Variants in ENOX1 observed in about 807,000 individuals in gnomAD.
ENOX1 encodes ecto-NOX disulfide-thiol exchanger 1, also known as candidate growth-related and time keeping constitutive hydroquinone (NADH) oxidase.
A neutral mutation model predicts 82.5 loss-of-function variants in ENOX1; 42 were observed. The ratio of observed to expected loss-of-function variants is 0.51; its 90% confidence interval spans 0.40 to 0.66. The LOEUF (loss-of-function observed/expected upper bound fraction) is 0.66, where lower values mean the gene tolerates loss of function less well. Among genes scored for constraint, ENOX1 ranks in the 30% least tolerant of loss-of-function variants. The pLI is 0.00. For missense variants in ENOX1, 608 were observed against 811.6 expected, an observed-to-expected ratio of 0.75 and a Z score of 3.05; for synonymous variants, 271 against 282.2, an observed-to-expected ratio of 0.96 and a Z score of 0.40.
intron 2 of ENOX1, among the ~76,000 whole-genome samples, chr13:43,557,700 A>G (rs182407170): frequency 1.0e-3 from 154 of 152,284 alleles, no homozygotes; most frequent in Non-Finnish European, 1.3e-4. Context: ...CAGGAGGCTG[A>G]GGCAGGAGGA....
chr13:43,299,444 C>T lies in ENOX1; in HGVS notation c.1262-914G>A, dbSNP rs540822199. ...CAAGAGCTTTGTATGAACTCACTCACTTCATACCCCCACCAAGCCTGTGAT... is the reference window on the plus strand; with the variant it reads ...CAAGAGCTTTGTATGAACTCACTCATTTCATACCCCCACCAAGCCTGTGAT... On this transcript the variant is annotated intron_variant, in intron 11 of 16. Coordinates refer to ENST00000690772, the MANE Select transcript of ENOX1 (RefSeq NM_001347969.2). 7.9e-4 allele frequency among the ~76,000 whole-genome samples: 121 copies of T among 152,260 alleles called. No homozygotes were observed. The Middle Eastern group carries it at 0.014, about 17-fold the overall frequency.
intron 2 of ENOX1, among the ~76,000 whole-genome samples, chr13:43,559,842 T>C (rs908051575): frequency 6.6e-6 from 1 of 152,192 alleles, no homozygotes; most frequent in East Asian, 1.9e-4. Context: ...AAGTAACTTT[T>C]GGAAAAGACT....
At chr13:43,414,734 T>C (rs2054341297) in intron 3 of ENOX1, among the ~76,000 whole-genome samples, 1 of 152,206 alleles carries the variant, frequency 6.6e-6, no homozygotes, top group Non-Finnish European at 1.5e-5. Flanking sequence ...TTTGTCTTAC[T>C]TATCTCCCCA....
chr13:43,514,320 A>T (rs2077479330), intron 2 of ENOX1, among the ~76,000 whole-genome samples: 1 of 152,300 alleles, frequency 6.6e-6, no homozygotes, highest in Non-Finnish European at 1.5e-5. Flanking sequence ...ACCAGAAGCA[A>T]TTATATTTCA....
chr13:43,697,317 A>T (rs568729237), intron 1 of ENOX1, among the ~76,000 whole-genome samples: 1 of 152,310 alleles, frequency 6.6e-6, no homozygotes, highest in South Asian at 2.1e-4. Flanking sequence ...ACACAGGGAG[A>T]AGAAAAGTGG....
At chr13:43,583,823 CTT>C (rs74782852) in intron 2 of ENOX1, among the ~76,000 whole-genome samples, 263 of 144,038 alleles carry the variant, frequency 1.8e-3, no homozygotes, top group Non-Finnish European at 1.5e-3. Context: ...ATAAACTTTT[CTT>C]TTTTTTTTTT....
chr13:43,247,829 A>T (rs889308044), intron 14 of ENOX1, among the ~76,000 whole-genome samples: 55 of 2,796 alleles, frequency 0.02, 1 homozygote, highest in African/African-American at 0.079. Flanking sequence ...CAGATGCAAC[A>T]TATATATATA....
chr13:43,736,825 A>C lies in ENOX1; in HGVS notation c.-285+49827T>G, dbSNP rs1019451899. On this transcript the variant is annotated intron_variant, in intron 1 of 16. Transcript: ENST00000690772. ...AGTTCTTACTGAAGAAAAGGGAGGC[A>C]GAAAACACATTTAGGTTCAAGGTGG... Among the ~76,000 whole-genome samples the C allele has an allele frequency of 2.0e-5, 3 of 152,224 alleles. No individual in the cohort carries two copies. The East Asian group carries it at 5.8e-4, about 29-fold the overall frequency.
chr13:43,543,259 T>C lies in ENOX1; in HGVS notation c.-218-59107A>G, dbSNP rs116102113. On this transcript the variant is annotated intron_variant, in intron 2 of 16. Coordinates refer to ENST00000690772, the MANE Select transcript of ENOX1 (RefSeq NM_001347969.2). Reference sequence around the variant, plus strand: ...AGGAATAAAGAGAGGAGGGGAAAAATTGGGGGATCAGATAGAGCCCTGTTT... The same window carrying C: ...AGGAATAAAGAGAGGAGGGGAAAAACTGGGGGATCAGATAGAGCCCTGTTT... Among the ~76,000 whole-genome samples the C allele has an allele frequency of 8.3e-3, 1,259 of 152,040 alleles. 19 individuals are homozygous for C. The highest frequency in any genetic ancestry group is 0.028 in the African/African-American group (1,181 of 41,476).
At chr13:43,674,865 A>C (rs769508952) in intron 1 of ENOX1, among the ~76,000 whole-genome samples, 6 of 152,192 alleles carry the variant, frequency 3.9e-5, no homozygotes, top group Non-Finnish European at 8.8e-5. Flanking sequence ...ATCTCTGTAC[A>C]TTCCACTGAA....
intron 3 of ENOX1, among the ~76,000 whole-genome samples, chr13:43,451,963 C>A (rs187460577): frequency 1.3e-5 from 2 of 152,212 alleles, no homozygotes; most frequent in Non-Finnish European, 2.9e-5. Context: ...GCAGACAAAA[C>A]GTTTTCAAGT....
At chr13:43,498,218 T>C (rs948254236) in intron 2 of ENOX1, among the ~76,000 whole-genome samples, 2 of 152,252 alleles carry the variant, frequency 1.3e-5, no homozygotes, top group Non-Finnish European at 1.5e-5. Context: ...GATTATAGTG[T>C]CCTCAGAGGC....
intron 9 of ENOX1, among the ~76,000 whole-genome samples, chr13:43,344,045 T>C (rs2049225639): frequency 6.6e-6 from 1 of 152,188 alleles, no homozygotes; most frequent in Non-Finnish European, 1.5e-5. Flanking sequence ...TCTCTACTCT[T>C]GAGTTGCCCA....
chr13:43,256,153 C>T (rs993601302), intron 14 of ENOX1, among the ~76,000 whole-genome samples: 1 of 152,046 alleles, frequency 6.6e-6, no homozygotes, highest in Non-Finnish European at 1.5e-5. Context: ...AAAATCAAGT[C>T]AAAATGGATT....
chr13:43,650,605 A>G (rs2084116693), intron 2 of ENOX1, among the ~76,000 whole-genome samples: 1 of 152,136 alleles, frequency 6.6e-6, no homozygotes, highest in African/African-American at 2.4e-5. Context: ...TTGGGAGGCC[A>G]AGGCGGGTGG....
chr13:43,351,088 TCA>T (rs2049751868), intron 8 of ENOX1, among the ~76,000 whole-genome samples: 1 of 152,216 alleles, frequency 6.6e-6, no homozygotes, highest in South Asian at 2.1e-4. Context: ...CAGTGTACAG[TCA>T]CAGAGTCATC....
intron 1 of ENOX1, among the ~76,000 whole-genome samples, chr13:43,710,999 T>C (rs2087662697): frequency 6.6e-6 from 1 of 152,026 alleles, no homozygotes; most frequent in South Asian, 2.1e-4. Flanking sequence ...ATGTGCCATG[T>C]TGGTGTGCTG....
intron 14 of ENOX1, among the ~76,000 whole-genome samples, chr13:43,239,515 C>G (rs569472835): frequency 6.6e-6 from 1 of 152,302 alleles, no homozygotes; most frequent in Non-Finnish European, 1.5e-5. Flanking sequence ...AAAGGGAAAA[C>G]ATCATTTCCA....
chr13:43,542,479 A>G, intron 2 of ENOX1, among the ~76,000 whole-genome samples: 1 of 84,694 alleles, frequency 1.2e-5, no homozygotes, highest in South Asian at 4.1e-4. Context: ...TCTGTCGCCC[A>G]GGCTGGAGTG....
Sources: gnomAD v4.1 joint callset for allele counts (sites outside exome capture counted in the v4.1 genomes callset) on GRCh38, gnomAD v4.1.1 for gene constraint, MANE v1.5 for transcripts, NCBI Gene and HGNC (gene_info 2026-07-23, HGNC 2026-07-21) for gene names.